Variants in CADPS observed in about 807,000 individuals in gnomAD.
The protein encoded by CADPS is calcium dependent secretion activator.
Under a neutral mutation model 167.3 loss-of-function variants are expected in CADPS, and 57 were observed. That is an observed-to-expected ratio of 0.34 (90% CI 0.28 to 0.42). The LOEUF is 0.42. Ranked by LOEUF, CADPS falls within the 20% of genes least tolerant of loss-of-function variation. The probability of loss-of-function intolerance (pLI) is 1.00; values close to 1 mark genes in which losing one functional copy is unlikely to be tolerated. For synonymous variants in CADPS, 676 were observed against 635.3 expected (o/e 1.06, Z -0.96); for missense variants, 1,414 against 1,738.1 (o/e 0.81, Z 3.32).
chr3:62,485,643 A>G (rs1389046555), intron 21 of CADPS, among the ~76,000 whole-genome samples: 1 of 152,168 alleles, frequency 6.6e-6, no homozygotes, highest in Non-Finnish European at 1.5e-5. Flanking sequence ...ACATCCCCAT[A>G]GTTTTCCCAT....
At chr3:62,590,784 GAT>G (rs1166418455) in intron 7 of CADPS, among the ~76,000 whole-genome samples, 4 of 152,198 alleles carry the variant, frequency 2.6e-5, no homozygotes, top group African/African-American at 9.6e-5. Flanking sequence ...TCTGGGCTGA[GAT>G]CACGTAGCTT....
At chr3:62,703,959 T>G (rs139030438) in intron 3 of CADPS, among the ~76,000 whole-genome samples, 1 of 152,226 alleles carries the variant, frequency 6.6e-6, no homozygotes, top group East Asian at 1.9e-4. Flanking sequence ...ATGTAGGGAA[T>G]TTTTAGTCAA....
chr3:62,411,145 G>A (rs2048884454), intron 28 of CADPS, among the ~76,000 whole-genome samples: 1 of 152,064 alleles, frequency 6.6e-6, no homozygotes, highest in Non-Finnish European at 1.5e-5. Context: ...ACCTTTTTGA[G>A]CAGCTTCTGT....
intron 3 of CADPS, among the ~76,000 whole-genome samples, chr3:62,694,594 G>T (rs1345175697): frequency 6.6e-6 from 1 of 151,970 alleles, no homozygotes; most frequent in Non-Finnish European, 1.5e-5. Context: ...TTGCCTTCTT[G>T]GTGTACAATG....
chr3:62,595,820 C>T (rs1434389621), intron 6 of CADPS, among the ~76,000 whole-genome samples: 2 of 152,050 alleles, frequency 1.3e-5, no homozygotes, highest in African/African-American at 4.8e-5. Context: ...CAGATCCACC[C>T]TTAATCTGGT....
chr3:62,460,255 T>C (rs1372929658), intron 26 of CADPS, among the ~76,000 whole-genome samples: 1 of 152,214 alleles, frequency 6.6e-6, no homozygotes, highest in Non-Finnish European at 1.5e-5. Flanking sequence ...ACATAGTATG[T>C]GTTCAATAAA....
chr3:62,686,450 G>A (rs138053437), intron 3 of CADPS, among the ~76,000 whole-genome samples: 3 of 152,174 alleles, frequency 2.0e-5, no homozygotes, highest in African/African-American at 7.2e-5. Context: ...AATGCTAAAT[G>A]TGAACTAGAA....
chr3:62,744,584 G>T (rs1298296744), intron 3 of CADPS, among the ~76,000 whole-genome samples: 1 of 152,176 alleles, frequency 6.6e-6, no homozygotes, highest in Non-Finnish European at 1.5e-5. Context: ...GTGCTAGATG[G>T]CTTATCATAG....
In CADPS at chr3:62,502,360, T is replaced by A. The variant is rs1196984220; in HGVS notation, c.2600-3092A>T. ...CTTCAGATGAATTACAATATTCCTATCCCCCAAGCTTGCGCTAGCTGGAGC... is the reference window on the plus strand; with the variant it reads ...CTTCAGATGAATTACAATATTCCTAACCCCCAAGCTTGCGCTAGCTGGAGC... On this transcript the variant is annotated intron_variant, in intron 17 of 29. Transcript: ENST00000383710. Among the ~76,000 whole-genome samples, 4 of 151,930 alleles carry A rather than the reference T, an allele frequency of 2.6e-5. No homozygotes were observed. In the East Asian group the frequency reaches 7.7e-4, roughly 29 times the overall value.
chr3:62,474,056 T>A (rs1290957708), intron 24 of CADPS, 117 bp downstream of exon 24: 3 of 671,190 alleles, frequency 4.5e-6, no homozygotes, highest in Non-Finnish European at 7.2e-6. Context: ...TCCACAAATG[T>A]TAGAGTGTAT....
intron 6 of CADPS, among the ~76,000 whole-genome samples, chr3:62,619,065 A>G (rs1434194039): frequency 1.3e-5 from 2 of 152,248 alleles, no homozygotes; most frequent in Non-Finnish European, 2.9e-5. Context: ...GAGCACATCC[A>G]TGCCCATTTA....
intron 17 of CADPS, among the ~76,000 whole-genome samples, chr3:62,506,172 G>A (rs917131191): frequency 6.6e-5 from 10 of 152,126 alleles, no homozygotes; most frequent in East Asian, 1.9e-4. Flanking sequence ...GGAGGATCAC[G>A]AGGTCAGGAG....
chr3:62,744,818 A>G (rs2081107787), intron 3 of CADPS, among the ~76,000 whole-genome samples: 1 of 152,212 alleles, frequency 6.6e-6, no homozygotes, highest in African/African-American at 2.4e-5. Context: ...AAAATGCCCA[A>G]TTCCCTGCTC....
At chr3:62,852,438 T>G (rs544385604) in intron 1 of CADPS, among the ~76,000 whole-genome samples, 39 of 152,232 alleles carry the variant, frequency 2.6e-4, no homozygotes, top group Non-Finnish European at 4.7e-4. Context: ...ATCAGCATTT[T>G]CTTTGAGATT....
chr3:62,757,530 C>A (rs1170302196), intron 2 of CADPS, among the ~76,000 whole-genome samples: 1 of 152,084 alleles, frequency 6.6e-6, no homozygotes, highest in Admixed American at 6.6e-5. Flanking sequence ...TGGAGCGAGA[C>A]TATGTCTGGA....
chr3:62,509,845 G>A (rs2067399291), intron 17 of CADPS, among the ~76,000 whole-genome samples: 1 of 152,102 alleles, frequency 6.6e-6, no homozygotes, highest in Non-Finnish European at 1.5e-5. Context: ...CACCACATCA[G>A]GCAAAAAGTC....
intron 3 of CADPS, among the ~76,000 whole-genome samples, chr3:62,726,553 T>C (rs1197746020): frequency 3.3e-5 from 5 of 151,826 alleles, no homozygotes; most frequent in Non-Finnish European, 4.4e-5. Flanking sequence ...AGAGGAGACA[T>C]GGAATTATCT....
At chr3:62,667,516 C>A (rs2074682759) in intron 3 of CADPS, among the ~76,000 whole-genome samples, 1 of 151,946 alleles carries the variant, frequency 6.6e-6, no homozygotes, top group Non-Finnish European at 1.5e-5. Context: ...ACTGGTATTT[C>A]CCAAAGTTAT....
intron 1 of CADPS, among the ~76,000 whole-genome samples, chr3:62,801,014 C>T (rs898852805): frequency 5.9e-5 from 9 of 152,046 alleles, no homozygotes; most frequent in Non-Finnish European, 8.8e-5. Flanking sequence ...AGAGTCAAGT[C>T]AGTCAAATGG....
Sources: allele counts gnomAD v4.1 joint callset (sites outside exome capture counted in the v4.1 genomes callset), GRCh38; gene constraint gnomAD v4.1.1; transcripts MANE v1.5; gene names NCBI Gene and HGNC (gene_info 2026-07-23, HGNC 2026-07-21).